ADGRV1: variants seen among roughly 807,000 people sequenced by gnomAD.
ADGRV1 encodes the protein G-protein coupled receptor 98.
Under a neutral mutation model 596.2 loss-of-function variants are expected in ADGRV1, and 359 were observed. The observed-to-expected ratio is 0.60, with a 90% confidence interval of 0.55 to 0.66. The LOEUF (loss-of-function observed/expected upper bound fraction) is 0.66. ADGRV1 is among the 30% of genes least tolerant of loss of function. The probability of loss-of-function intolerance (pLI) is 0.00; values close to 1 mark genes in which losing one functional copy is unlikely to be tolerated. For synonymous variants in ADGRV1, 2,681 were observed against 2,679.2 expected, an observed-to-expected ratio of 1.00 and a Z score of -0.02; for missense variants, 7,274 against 7,575.6, an observed-to-expected ratio of 0.96 and a Z score of 1.48.
Position 91,156,986 on chromosome 5 carries a change from A to G in ADGRV1, c.18802+3588A>G, listed in dbSNP as rs535911716. Among the ~76,000 whole-genome samples, 7 of 152,378 alleles carry G rather than the reference A, an allele frequency of 4.6e-5. No homozygotes were observed. The East Asian group carries it at 7.7e-4, about 17-fold the overall frequency. On this transcript the variant is annotated intron_variant, in intron 89 of 89. Transcript: ENST00000405460. ...ATAGAATTTCTAGAAAAATCTAGCA[A>G]CAGAGTCTTTGAAGTCGAGCACAGC...
chr5:90,792,917 T>C (rs1214749608), intron 70 of ADGRV1: 1 of 152,258 alleles, frequency 6.6e-6, no homozygotes, highest in East Asian at 1.9e-4. Flanking sequence ...TGACACATGC[T>C]GATTCAGCCT....
At chr5:90,581,783 TCAGA>T (rs1359563507) in intron 1 of ADGRV1, among the ~76,000 whole-genome samples, 1 of 152,214 alleles carries the variant, frequency 6.6e-6, no homozygotes, top group Admixed American at 6.5e-5. Flanking sequence ...TTCAGAGCTG[TCAGA>T]CAGGGCTCTA....
Position 90,623,608 on chromosome 5 carries a change from G to A in ADGRV1, c.558+907G>A, listed in dbSNP as rs143512066. ...TAATGTTTTTTGTAGAGATGAAGTC[G>A]CATTATGTTGCCCAGGCTGGTTTTG... On this transcript the variant is annotated intron_variant, in intron 5 of 89. Transcript: ENST00000405460. Among the ~76,000 whole-genome samples, 80 of 151,826 alleles carry A rather than the reference G, an allele frequency of 5.3e-4. 1 individual carries two copies. Among genetic ancestry groups the A allele is most frequent in the African/African-American group, 1.9e-3 (77 of 41,390 alleles).
At chr5:90,675,616 C>G (rs753474050) in intron 24 of ADGRV1, among the ~76,000 whole-genome samples, 171 bp downstream of exon 24, 2 of 152,034 alleles carry the variant, frequency 1.3e-5, no homozygotes, top group Admixed American at 1.3e-4. Flanking sequence ...TGGGCAACGT[C>G]GCAAGTCACT....
rs1202088886 is a variant in ADGRV1, at chr5:90,840,634, A to C, written c.16668A>C (p.Gly5556=). The change falls in exon 78 of 90, where the codon GGA becomes GGC. Residue 5556 remains glycine (G), a synonymous_variant. Coordinates refer to ENST00000405460, the MANE Select transcript of ADGRV1 (RefSeq NM_032119.4). ...GRTIISPAIS[G]KDFVITEGTL... ...CCATCATATCTCCAGCTATTTCTGG[A>C]AAGGATTTTGTGATAACTGAAGGCA... is the stretch of plus-strand genomic sequence containing the variant. The C allele has an allele frequency of 2.7e-5, 44 of 1,613,244 alleles. No individual in the cohort carries two copies. Among genetic ancestry groups the C allele is most frequent in the Non-Finnish European group, 3.6e-5 (43 of 1,179,396 alleles).
chr5:90,679,191 G>GCA (rs1219460359), intron 25 of ADGRV1, among the ~76,000 whole-genome samples: 36 of 152,252 alleles, frequency 2.4e-4, no homozygotes, highest in Non-Finnish European at 4.7e-4. Context: ...TTAGGCCTAA[G>GCA]TGTATGATTA....
intron 20 of ADGRV1, 90 bp from the exon 21 acceptor site, chr5:90,657,815 G>A (rs1471880344): frequency 7.4e-7 from 1 of 1,345,974 alleles, no homozygotes; most frequent in Non-Finnish European, 9.9e-7. Flanking sequence ...ATATCTTTCA[G>A]TAAAATTGTC....
At chr5:90,755,841 A>G (rs995365639) in intron 55 of ADGRV1, among the ~76,000 whole-genome samples, 31 of 148,670 alleles carry the variant, frequency 2.1e-4, no homozygotes, top group African/African-American at 7.3e-4. Context: ...AATATATTAT[A>G]TGTTATTAAA....
intron 48 of ADGRV1, among the ~76,000 whole-genome samples, chr5:90,728,153 A>G: frequency 6.6e-6 from 1 of 152,200 alleles, no homozygotes; most frequent in East Asian, 1.9e-4. Flanking sequence ...GCCTTCAGGT[A>G]GGGTCTGAAT....
chr5:90,985,064 A>G (rs1410203722), intron 84 of ADGRV1, among the ~76,000 whole-genome samples: 1 of 152,250 alleles, frequency 6.6e-6, no homozygotes, highest in East Asian at 1.9e-4. Flanking sequence ...AGAAGATTGT[A>G]ACTGAGAGTA....
chr5:90,578,971 T>C (rs534047116), intron 1 of ADGRV1, among the ~76,000 whole-genome samples: 1 of 152,276 alleles, frequency 6.6e-6, no homozygotes, highest in Admixed American at 6.5e-5. Context: ...CATTTTTTAT[T>C]GAGTCTATTT....
Position 91,135,133 on chromosome 5 carries a change from C to T in ADGRV1, c.18433-14897C>T, listed in dbSNP as rs192100782. On this transcript the variant is annotated intron_variant, in intron 87 of 89. Transcript: ENST00000405460. The stretch of plus-strand genomic sequence containing the variant: ...AGGAGAGGTTGCAGTGAACCAAGAT[C>T]GTGCCACTGCACTCCAGCCTGGGAG... 8.8e-5 allele frequency among the ~76,000 whole-genome samples: 13 copies of T among 148,436 alleles called. No homozygotes were observed. The East Asian group carries it at 1.6e-3, about 18-fold the overall frequency.
At chr5:90,975,799 A>G (rs916348437) in intron 84 of ADGRV1, among the ~76,000 whole-genome samples, 6 of 152,120 alleles carry the variant, frequency 3.9e-5, no homozygotes, top group African/African-American at 1.4e-4. Flanking sequence ...ACATGTATAC[A>G]TAGGTAACAA....
chr5:90,841,423 T>C (rs1765415452), intron 78 of ADGRV1, among the ~76,000 whole-genome samples: 1 of 152,192 alleles, frequency 6.6e-6, no homozygotes. Flanking sequence ...ACCCTCTGCT[T>C]GTTCTTTAGT....
In ADGRV1 at chr5:90,791,132, C is replaced by T. The variant is rs200130204; in HGVS notation, c.14303C>T (p.Ser4768Leu). 1.6e-5 allele frequency: 26 copies of T among 1,613,846 alleles called. No homozygotes were observed. The highest frequency in any genetic ancestry group is 5.3e-5 in the African/African-American group (4 of 75,010). Residue 4768 changes from serine to leucine, a missense_variant, in exon 70 of 90, where the codon TCG becomes TTG. By Grantham distance (145) the Ser-to-Leu change is moderately radical. This residue lies in a region of ADGRV1 where 1,874 missense variants were observed against 1,970.2 expected (regional missense o/e 0.95). Transcript: ENST00000405460. ...DDPHGVFALY[S>L]DRQSILIGQN... ...CCACATGGAGTATTTGCCCTGTATT[C>T]GGATCGCCAGTCAATACTTATTGGG...
chr5:90,959,377 T>C (rs1352921293), intron 83 of ADGRV1, among the ~76,000 whole-genome samples: 1 of 152,094 alleles, frequency 6.6e-6, no homozygotes, highest in Non-Finnish European at 1.5e-5. Flanking sequence ...AGACACTGTA[T>C]TCATGAGATG....
chr5:90,643,446 G>T (rs1026301523), intron 13 of ADGRV1, among the ~76,000 whole-genome samples: 1 of 152,038 alleles, frequency 6.6e-6, no homozygotes, highest in South Asian at 2.1e-4. Flanking sequence ...AATGGAACCA[G>T]GTATAGTTCT....
In ADGRV1 at chr5:90,994,395, A is replaced by G. The variant is rs142205099; in HGVS notation, c.18152+8873A>G. ...TGTACTTTTCAATTCAAGAATTTCTATGTGGTTCTTTTTTATGATTTCTAT... is the reference window on the plus strand; with the variant it reads ...TGTACTTTTCAATTCAAGAATTTCTGTGTGGTTCTTTTTTATGATTTCTAT... On this transcript the variant is annotated intron_variant, in intron 85 of 89. Transcript: ENST00000405460. Among the ~76,000 whole-genome samples, 988 of 152,030 alleles carry G rather than the reference A, an allele frequency of 6.5e-3. 6 individuals carry two copies. The highest frequency in any genetic ancestry group is 0.021 in the African/African-American group (857 of 41,466).
chr5:90,930,105 A>G (rs935007131), intron 83 of ADGRV1, among the ~76,000 whole-genome samples: 4 of 152,188 alleles, frequency 2.6e-5, no homozygotes, highest in African/African-American at 9.7e-5. Flanking sequence ...TAAAAAATAT[A>G]TGATTTGTCT....
Sources: gnomAD v4.1 joint callset for allele counts (sites outside exome capture counted in the v4.1 genomes callset) on GRCh38, gnomAD v4.1.1 for gene constraint, gnomAD v4.1.1 regional missense constraint, MANE v1.5 for transcripts, NCBI Gene and HGNC (gene_info 2026-07-23, HGNC 2026-07-21) for gene names.